Variants in MACROD2 observed in about 807,000 individuals in gnomAD.
MACROD2 encodes ADP-ribose glycohydrolase MACROD2.
A neutral mutation model predicts 70.4 loss-of-function variants in MACROD2; 36 were observed. The ratio of observed to expected loss-of-function variants is 0.51; its 90% confidence interval spans 0.39 to 0.68. The LOEUF (loss-of-function observed/expected upper bound fraction) is 0.68, where lower values mean the gene tolerates loss of function less well. Ranked by LOEUF, MACROD2 falls within the 30% of genes least tolerant of loss-of-function variation. MACROD2 has a pLI of 0.00. For synonymous variants in MACROD2, 172 were observed against 178.8 expected, an observed-to-expected ratio of 0.96 and a Z score of 0.30; for missense variants, 496 against 538.4, an observed-to-expected ratio of 0.92 and a Z score of 0.78.
intron 5 of MACROD2, among the ~76,000 whole-genome samples, chr20:15,188,843 C>G: frequency 6.6e-6 from 1 of 152,060 alleles, no homozygotes; most frequent in Non-Finnish European, 1.5e-5. Context: ...TACTCTTGCT[C>G]TTTTTTTGGA....
chr20:14,785,400 G>A (rs1465696443), intron 5 of MACROD2, among the ~76,000 whole-genome samples: 2 of 151,650 alleles, frequency 1.3e-5, no homozygotes, highest in Non-Finnish European at 2.9e-5. Context: ...AGCCTTTAAT[G>A]GGATGATAAC....
chr20:15,823,480 T>C (rs972206003), intron 8 of MACROD2, among the ~76,000 whole-genome samples: 1 of 152,226 alleles, frequency 6.6e-6, no homozygotes, highest in Non-Finnish European at 1.5e-5. Context: ...TTAAAAGCAC[T>C]ACTTCTTCAA....
At chr20:15,588,553 A>C (rs1362239528) in intron 8 of MACROD2, among the ~76,000 whole-genome samples, 1 of 152,154 alleles carries the variant, frequency 6.6e-6, no homozygotes, top group African/African-American at 2.4e-5. Flanking sequence ...TTACCTTTTA[A>C]AATGGAATGC....
intron 5 of MACROD2, among the ~76,000 whole-genome samples, chr20:15,217,624 T>C (rs1217860968): frequency 1.3e-5 from 2 of 152,180 alleles, no homozygotes; most frequent in East Asian, 3.8e-4. Flanking sequence ...GCTAATTTCT[T>C]TCATTATAGT....
At chr20:15,329,665 A>AT (rs1469829104) in intron 6 of MACROD2, among the ~76,000 whole-genome samples, 7 of 152,074 alleles carry the variant, frequency 4.6e-5, no homozygotes, top group African/African-American at 1.7e-4. Flanking sequence ...GAATTCACAA[A>AT]TTTTTCAGAT....
chr20:15,924,606 C>T (rs2065461272), intron 10 of MACROD2, among the ~76,000 whole-genome samples: 1 of 152,150 alleles, frequency 6.6e-6, no homozygotes, highest in East Asian at 1.9e-4. Flanking sequence ...CTGTCAACTC[C>T]TAAAGGGAAA....
intron 7 of MACROD2, among the ~76,000 whole-genome samples, chr20:15,439,429 C>T (rs971588766): frequency 1.3e-5 from 2 of 152,032 alleles, no homozygotes; most frequent in Non-Finnish European, 2.9e-5. Context: ...GTGAGCATAC[C>T]CATTTCCTGG....
At chr20:14,769,948 A>C (rs534701753) in intron 5 of MACROD2, among the ~76,000 whole-genome samples, 1 of 152,108 alleles carries the variant, frequency 6.6e-6, no homozygotes, top group African/African-American at 2.4e-5. Flanking sequence ...GAAAAAATTC[A>C]TAAGAACTAG....
At position 15,121,190 on chromosome 20, in the gene MACROD2, G is replaced by A. The variant is rs539969809; in HGVS notation, c.419-108750G>A. On this transcript the variant is annotated intron_variant, in intron 5 of 17. Transcript: ENST00000684519. ...ATATAATGCGTGAAGTACAGGATAGGTAGTGCTTACAATTTATTTTTGTTT... is the reference window on the plus strand; with the variant it reads ...ATATAATGCGTGAAGTACAGGATAGATAGTGCTTACAATTTATTTTTGTTT... Among the ~76,000 whole-genome samples, 3 of 152,226 alleles carry A rather than the reference G, an allele frequency of 2.0e-5. No individual in the cohort carries two copies. In the South Asian group the frequency reaches 6.2e-4, roughly 32 times the overall value.
intron 3 of MACROD2, among the ~76,000 whole-genome samples, chr20:14,123,638 C>T (rs1431554082): frequency 1.3e-5 from 2 of 152,114 alleles, no homozygotes; most frequent in African/African-American, 2.4e-5. Flanking sequence ...AATCAAATCT[C>T]GTATCTGAAG....
intron 3 of MACROD2, among the ~76,000 whole-genome samples, chr20:14,442,688 C>T (rs2084137483): frequency 6.6e-6 from 1 of 152,046 alleles, no homozygotes; most frequent in Non-Finnish European, 1.5e-5. Flanking sequence ...AGCAGAGAGC[C>T]ATGCCCAAGC....
chr20:15,586,677 A>G, intron 8 of MACROD2, among the ~76,000 whole-genome samples: 1 of 152,228 alleles, frequency 6.6e-6, no homozygotes, highest in Non-Finnish European at 1.5e-5. Flanking sequence ...TGAATAATAT[A>G]GAGAAAGAAA....
At chr20:14,131,440 G>A (rs1215950417) in intron 3 of MACROD2, among the ~76,000 whole-genome samples, 1 of 151,964 alleles carries the variant, frequency 6.6e-6, no homozygotes, top group East Asian at 1.9e-4. Flanking sequence ...AAGTCAAATA[G>A]GCATTTGCTT....
chr20:15,819,214 T>TAAAAATATATATATTTATATATAC, intron 8 of MACROD2, among the ~76,000 whole-genome samples: 1 of 142,568 alleles, frequency 7.0e-6, no homozygotes, highest in East Asian at 2.0e-4. Context: ...TTTATATATA[T>TAAAAATATATATATTTATATATAC]AAAAATATAT....
chr20:15,292,433 C>T (rs889127697), intron 6 of MACROD2, among the ~76,000 whole-genome samples: 11 of 152,142 alleles, frequency 7.2e-5, no homozygotes, highest in Middle Eastern at 3.2e-3. Context: ...TCACTCACCC[C>T]GTATTAGCTT....
chr20:15,403,086 C>T (rs1442230936), intron 6 of MACROD2, among the ~76,000 whole-genome samples: 1 of 152,024 alleles, frequency 6.6e-6, no homozygotes, highest in East Asian at 1.9e-4. Context: ...CCTGCCTTAG[C>T]CTCCCAAGTA....
At chr20:15,064,356 C>G (rs569254644) in intron 5 of MACROD2, among the ~76,000 whole-genome samples, 136 of 152,284 alleles carry the variant, frequency 8.9e-4, no homozygotes, top group Admixed American at 2.1e-3. Flanking sequence ...ACGGCATCTG[C>G]TCAGATGCTG....
chr20:13,996,485 A>G (rs1181547626), intron 1 of MACROD2: 1 of 153,144 alleles, frequency 6.5e-6, no homozygotes, highest in Non-Finnish European at 1.5e-5. Flanking sequence ...GTTTCTCTGT[A>G]TTCCATCCCC....
chr20:14,311,834 T>C (rs551516187), intron 3 of MACROD2, among the ~76,000 whole-genome samples: 1 of 152,204 alleles, frequency 6.6e-6, no homozygotes, highest in Non-Finnish European at 1.5e-5. Context: ...CATATCTTTG[T>C]TGAGGACGTT....
Sources: gnomAD v4.1 joint callset for allele counts (sites outside exome capture counted in the v4.1 genomes callset) on GRCh38, gnomAD v4.1.1 for gene constraint, MANE v1.5 for transcripts, NCBI Gene and HGNC (gene_info 2026-07-23, HGNC 2026-07-21) for gene names.